Variants in TRPM1 observed in about 807,000 individuals in gnomAD.
TRPM1 encodes TRPM1-203 APA Isoform, Intron 10.
In TRPM1, 113 loss-of-function variants were observed where a neutral mutation model predicts 149.4. That is an observed-to-expected ratio of 0.76 (90% CI 0.65 to 0.88). The LOEUF is 0.88. Ranked by LOEUF, TRPM1 falls within the 40% of genes least tolerant of loss-of-function variation. The pLI is 0.00. For synonymous variants in TRPM1, 741 were observed against 759.5 expected, an observed-to-expected ratio of 0.98 and a Z score of 0.40; for missense variants, 1,976 against 2,038.7, an observed-to-expected ratio of 0.97 and a Z score of 0.59.
chr15:31,136,535 A>G (rs1000415197), intron 1 of TRPM1, among the ~76,000 whole-genome samples: 4 of 152,214 alleles, frequency 2.6e-5, no homozygotes, highest in African/African-American at 9.7e-5. Flanking sequence ...CTGCTACTGA[A>G]ACAGACAATG....
chr15:31,067,092 C>T lies in TRPM1; in HGVS notation c.589G>A (p.Glu197Lys), dbSNP rs765946178. The change falls in exon 6 of 28, where the codon GAG becomes AAG. Residue 197 changes from glutamate to lysine, a missense_variant. Glu to Lys is a moderately conservative substitution (Grantham distance 56). Coordinates refer to ENST00000256552, the MANE Select transcript of TRPM1 (RefSeq NM_001252024.2). Reference protein sequence around the residue: ...AIGIAPWGIVENKEDLVGKDV... With the variant: ...AIGIAPWGIVKNKEDLVGKDV... Reference sequence around the variant, plus strand: ...TTTCCAACCAGGTCTTCCTTATTCTCCACGATGCCCCATGGAGCAATTCCT... The same window carrying T: ...TTTCCAACCAGGTCTTCCTTATTCTTCACGATGCCCCATGGAGCAATTCCT... 1 of 1,614,184 alleles carries T rather than the reference C, an allele frequency of 6.2e-7. No individual in the cohort carries two copies. The highest frequency in any genetic ancestry group is 1.1e-5 in the South Asian group (1 of 91,056).
At chr15:31,037,317 T>G (rs1003539683) in intron 20 of TRPM1, among the ~76,000 whole-genome samples, 2 of 152,254 alleles carry the variant, frequency 1.3e-5, no homozygotes, top group Non-Finnish European at 2.9e-5. Flanking sequence ...GCCATGCCCT[T>G]GTAATGACCC....
intron 1 of TRPM1, among the ~76,000 whole-genome samples, chr15:31,089,188 A>C (rs1053236290): frequency 6.6e-6 from 1 of 152,198 alleles, no homozygotes; most frequent in East Asian, 1.9e-4. Context: ...GTGCAACAGG[A>C]GTGGTCATTT....
At chr15:31,160,900 A>G (rs1281099534) in intron 1 of TRPM1, 1 of 1,535,096 alleles carries the variant, frequency 6.5e-7, no homozygotes, top group Non-Finnish European at 8.7e-7. Context: ...GGCAAAGCTC[A>G]CTCACCTTCT....
intron 27 of TRPM1, among the ~76,000 whole-genome samples, chr15:31,021,502 C>T (rs997052496): frequency 6.6e-6 from 1 of 152,100 alleles, no homozygotes; most frequent in Non-Finnish European, 1.5e-5. Context: ...TCCAGACCAG[C>T]CTGGGCAACA....
In TRPM1 at chr15:31,004,349, C is replaced by T. The variant is rs78482982; in HGVS notation, c.3630-1279G>A. 4.6e-3 allele frequency among the ~76,000 whole-genome samples: 707 copies of T among 152,178 alleles called. 5 individuals carry two copies. Among genetic ancestry groups the T allele is most frequent in the African/African-American group, 0.016 (684 of 41,490 alleles). On this transcript the variant is annotated intron_variant, in intron 27 of 27. Transcript: ENST00000256552. ...GCAGATTGCCTGCCACTGTTTGCAT[C>T]GCTAAGTCAGCTCTGTGCTTGACTG...
intron 13 of TRPM1, among the ~76,000 whole-genome samples, chr15:31,048,187 G>A (rs774872085): frequency 1.8e-4 from 27 of 152,070 alleles, no homozygotes; most frequent in South Asian, 8.3e-4. Context: ...CACTTGAACC[G>A]GGGAGGCAGC....
At chr15:31,016,105 C>T (rs1162346942) in intron 27 of TRPM1, among the ~76,000 whole-genome samples, 1 of 152,112 alleles carries the variant, frequency 6.6e-6, no homozygotes, top group Non-Finnish European at 1.5e-5. Context: ...GGACCTCAGC[C>T]ATTGCATGTA....
intron 1 of TRPM1, among the ~76,000 whole-genome samples, chr15:31,096,010 C>A (rs1324274016): frequency 6.6e-6 from 1 of 151,316 alleles, no homozygotes; most frequent in Non-Finnish European, 1.5e-5. Context: ...AGCACCACTG[C>A]ACTTCAGCCT....
At chr15:31,111,664 C>T (rs1448734883) in intron 1 of TRPM1, among the ~76,000 whole-genome samples, 4 of 152,172 alleles carry the variant, frequency 2.6e-5, no homozygotes, top group African/African-American at 9.7e-5. Flanking sequence ...CACGGGAAGA[C>T]GTCTCAGTGT....
chr15:31,030,867 G>A, intron 23 of TRPM1, 116 bp downstream of exon 23: 2 of 1,187,700 alleles, frequency 1.7e-6, no homozygotes, highest in South Asian at 2.5e-5. Context: ...TGATGCCTAT[G>A]GTGGAGTGAC....
intron 1 of TRPM1, among the ~76,000 whole-genome samples, chr15:31,116,018 A>G (rs2035793233): frequency 6.6e-6 from 1 of 151,566 alleles, no homozygotes; most frequent in South Asian, 2.1e-4. Context: ...ATCCCTGAGG[A>G]CTCTGCCTCT....
chr15:31,021,534 A>C (rs1000614154), intron 27 of TRPM1, among the ~76,000 whole-genome samples: 1 of 152,076 alleles, frequency 6.6e-6, no homozygotes, highest in Non-Finnish European at 1.5e-5. Context: ...TGTATCTACA[A>C]AATATGCAAA....
At chr15:31,091,514 T>G (rs559158909) in intron 1 of TRPM1, among the ~76,000 whole-genome samples, 1 of 152,164 alleles carries the variant, frequency 6.6e-6, no homozygotes, top group South Asian at 2.1e-4. Flanking sequence ...ATGGGGCAGA[T>G]CCGAAGGGCA....
At chr15:31,153,767 T>C (rs1460726664) in intron 1 of TRPM1, among the ~76,000 whole-genome samples, 1 of 152,184 alleles carries the variant, frequency 6.6e-6, no homozygotes, top group African/African-American at 2.4e-5. Flanking sequence ...GTGAGCCACA[T>C]GTTGTCAGGA....
chr15:31,154,703 G>A (rs552545180), intron 1 of TRPM1, among the ~76,000 whole-genome samples: 2 of 152,290 alleles, frequency 1.3e-5, no homozygotes, highest in South Asian at 4.2e-4. Flanking sequence ...TCAGGCAGCT[G>A]GAGGCTACAA....
rs183395275 is a variant in TRPM1 at position 31,023,029 on chromosome 15, A to G, written c.3629+3110T>C. 7.2e-5 allele frequency among the ~76,000 whole-genome samples: 11 copies of G among 152,270 alleles called. No homozygotes were observed. In the East Asian group the frequency reaches 2.1e-3, roughly 29 times the overall value. Reference sequence around the variant, plus strand: ...ACCTTGTCTCAAAAACAAAAACAAAAACAAAAACAGAAACAAAAGTCTGGC... The same window carrying G: ...ACCTTGTCTCAAAAACAAAAACAAAGACAAAAACAGAAACAAAAGTCTGGC... On this transcript the variant is annotated intron_variant, in intron 27 of 27. Transcript: ENST00000256552.
At chr15:31,082,748 G>A (rs2034894392) in intron 1 of TRPM1, among the ~76,000 whole-genome samples, 1 of 152,170 alleles carries the variant, frequency 6.6e-6, no homozygotes, top group Admixed American at 6.5e-5. Context: ...GGAAACCTTT[G>A]TACCATCTGG....
chr15:31,050,680 T>TACAGAG, intron 11 of TRPM1, 98 bp from the exon 12 acceptor site: 6 of 1,278,220 alleles, frequency 4.7e-6, no homozygotes, highest in Non-Finnish European at 6.8e-6. Flanking sequence ...TGTGCACACA[T>TACAGAG]GCACACCACA....
Sources: gnomAD v4.1 joint callset for allele counts (sites outside exome capture counted in the v4.1 genomes callset) on GRCh38, gnomAD v4.1.1 for gene constraint, MANE v1.5 for transcripts, NCBI Gene and HGNC (gene_info 2026-07-23, HGNC 2026-07-21) for gene names.